ALDH1A1: variants seen among roughly 807,000 people sequenced by gnomAD.
The protein encoded by ALDH1A1 is aldehyde dehydrogenase 1 family member A1.
In ALDH1A1, 19 loss-of-function variants were observed where a neutral mutation model predicts 62.1. The observed-to-expected ratio is 0.31, with a 90% CI of 0.21 to 0.45. The LOEUF (loss-of-function observed/expected upper bound fraction) is 0.45, where lower values mean the gene tolerates loss of function less well. Ranked by LOEUF, ALDH1A1 falls within the 20% of genes least tolerant of loss-of-function variation. ALDH1A1 has a pLI of 1.00. For synonymous variants in ALDH1A1, 231 were observed against 215.9 expected, an observed-to-expected ratio of 1.07 and a Z score of -0.61; for missense variants, 521 against 607.1, an observed-to-expected ratio of 0.86 and a Z score of 1.49.
intron 2 of ALDH1A1, among the ~76,000 whole-genome samples, chr9:72,936,202 C>T (rs1326772359): frequency 1.3e-5 from 2 of 152,160 alleles, no homozygotes; most frequent in East Asian, 3.9e-4. Flanking sequence ...ATTTCTAAGT[C>T]TTCCAGTATG....
rs1393382260 is a variant in ALDH1A1 at position 72,901,271 on chromosome 9, G to A, written c.1443C>T (p.Tyr481=). The A allele has an allele frequency of 4.4e-6, 7 of 1,606,932 alleles. No individual in the cohort carries two copies. The highest frequency in any genetic ancestry group is 2.2e-5 in the East Asian group (1 of 44,726). The change falls in exon 13 of 13, where the codon TAC becomes TAT. Residue 481 remains tyrosine, a synonymous_variant. Coordinates refer to ENST00000297785, the MANE Select transcript of ALDH1A1 (RefSeq NM_000689.5). ...MSGNGRELGE[Y]GFHEYTEVKT... ...TGACCTCTGTATATTCATGGAAACC[G>A]TACTCTCCCCTAGAGAGAAGAAAAA...
intron 1 of ALDH1A1, among the ~76,000 whole-genome samples, chr9:72,941,817 C>T (rs536502178): frequency 6.6e-6 from 1 of 152,252 alleles, no homozygotes; most frequent in South Asian, 2.1e-4. Context: ...AGCATTATTT[C>T]CATACAAGAA....
At chr9:72,928,459 C>CAGATGA (rs1422337976) in intron 4 of ALDH1A1, among the ~76,000 whole-genome samples, 7 of 152,070 alleles carry the variant, frequency 4.6e-5, no homozygotes, top group African/African-American at 1.7e-4. Flanking sequence ...TGACCAGGCA[C>CAGATGA]AGATGACCAT....
chr9:72,908,607 GAAAGAAAGAAAGAAAGAA>G (rs1456993341), intron 11 of ALDH1A1, among the ~76,000 whole-genome samples: 6 of 138,166 alleles, frequency 4.3e-5, no homozygotes, highest in Non-Finnish European at 8.0e-5. Flanking sequence ...AAGAAAGAAA[GAAAGAAAGAAAGAAAGAA>G]AGAGAATATT....
chr9:72,919,499 A>G (rs1830109799), intron 7 of ALDH1A1, among the ~76,000 whole-genome samples: 2 of 152,204 alleles, frequency 1.3e-5, no homozygotes, highest in Non-Finnish European at 2.9e-5. Context: ...AAGAAATGAC[A>G]GGACCATTTC....
intron 9 of ALDH1A1, among the ~76,000 whole-genome samples, 173 bp from the exon 10 acceptor site, chr9:72,912,295 A>G (rs187405468): frequency 6.6e-6 from 1 of 152,296 alleles, no homozygotes; most frequent in Admixed American, 6.5e-5. Flanking sequence ...TTTTCTTCTC[A>G]TGACTTTTAG....
chr9:72,932,949 A>C (rs947990404), intron 2 of ALDH1A1, among the ~76,000 whole-genome samples: 1 of 152,192 alleles, frequency 6.6e-6, no homozygotes, highest in Non-Finnish European at 1.5e-5. Context: ...TGGCCTCCCA[A>C]AGGGATACGG....
In ALDH1A1 at chr9:72,901,145, A is replaced by G; in HGVS notation, c.*63T>C. 7.8e-7 allele frequency: 1 copy of G among 1,281,266 alleles called. No homozygotes were observed. Among genetic ancestry groups the G allele is most frequent in the Non-Finnish European group, 1.1e-6 (1 of 894,650 alleles). The allele number at this position is 1,281,266 out of a possible 1,614,324, so 79.4% of individuals were successfully genotyped here. On this transcript the variant is annotated 3_prime_UTR_variant, in exon 13 of 13. Coordinates refer to ENST00000297785, the MANE Select transcript of ALDH1A1 (RefSeq NM_000689.5). ...AAAAATTTTGTCTTTAAAATCTACT[A>G]TATTAGTGACTGTAAGGAGATGCTT...
At chr9:72,909,289 T>A (rs968500113) in intron 11 of ALDH1A1, among the ~76,000 whole-genome samples, 1 of 150,964 alleles carries the variant, frequency 6.6e-6, no homozygotes, top group African/African-American at 2.4e-5. Flanking sequence ...ATCCTCCATG[T>A]AGCTGGGATT....
intron 9 of ALDH1A1, among the ~76,000 whole-genome samples, chr9:72,912,765 C>T (rs1230213082): frequency 6.6e-6 from 1 of 152,160 alleles, no homozygotes; most frequent in East Asian, 1.9e-4. Context: ...TTAAATGAGC[C>T]ACATCTAACT....
intron 1 of ALDH1A1, among the ~76,000 whole-genome samples, chr9:72,940,866 T>C (rs954698722): frequency 2.0e-5 from 3 of 152,168 alleles, no homozygotes; most frequent in Non-Finnish European, 2.9e-5. Context: ...TAATGGTAAC[T>C]ATGAGAAATA....
chr9:72,927,713 CAG>C lies in ALDH1A1; in HGVS notation c.443-538_443-537del, dbSNP rs1422804133. 2.0e-5 allele frequency among the ~76,000 whole-genome samples: 3 copies of C among 152,110 alleles called. No homozygotes were observed. The East Asian group carries it at 5.8e-4, about 29-fold the overall frequency. On this transcript the variant is annotated intron_variant, in intron 4 of 12. Transcript: ENST00000297785. ...TTTTTAGAAATAGTAAAATTAAAAA[CAG>C]TAGAATTAAAAAGAAAATCTCCCTA...
intron 7 of ALDH1A1, among the ~76,000 whole-genome samples, chr9:72,923,563 G>A (rs1003636484): frequency 4.6e-5 from 7 of 152,100 alleles, no homozygotes; most frequent in African/African-American, 1.7e-4. Context: ...AGTTAGTCTA[G>A]GTACCACTGA....
At chr9:72,936,594 CTGATAAAA>C in intron 2 of ALDH1A1, among the ~76,000 whole-genome samples, 1 of 151,816 alleles carries the variant, frequency 6.6e-6, no homozygotes, top group South Asian at 2.1e-4. Context: ...CCTGAAGTCT[CTGATAAAA>C]GGCGTTCATT....
At position 72,940,203 on chromosome 9, in the gene ALDH1A1, G is replaced by A. The variant is rs1239030740; in HGVS notation, c.116C>T (p.Pro39Leu). 15 of 1,613,656 alleles carry A rather than the reference G, an allele frequency of 9.3e-6. No individual in the cohort carries two copies. Among genetic ancestry groups the A allele is most frequent in the Non-Finnish European group, 1.3e-5 (15 of 1,179,856 alleles). Reference sequence around the variant, plus strand: ...CTCCTCAGTTGCAGGATTAAAGACAGGAAATTTCTTGCCACTCACTGAATC... The same window carrying A: ...CTCCTCAGTTGCAGGATTAAAGACAAGAAATTTCTTGCCACTCACTGAATC... Reference protein sequence around the residue: ...WHDSVSGKKFPVFNPATEEEL... With the variant: ...WHDSVSGKKFLVFNPATEEEL... Residue 39 changes from proline (P) to leucine (L), a missense_variant, in exon 2 of 13, where the codon CCT becomes CTT. Coordinates refer to ENST00000297785, the MANE Select transcript of ALDH1A1 (RefSeq NM_000689.5).
At chr9:72,943,174 A>G (rs1403775342) in intron 1 of ALDH1A1, among the ~76,000 whole-genome samples, 2 of 152,090 alleles carry the variant, frequency 1.3e-5, no homozygotes, top group Non-Finnish European at 2.9e-5. Context: ...CCCTTCTACA[A>G]TGTAATTTCA....
At chr9:72,937,983 A>T (rs348455) in intron 2 of ALDH1A1, among the ~76,000 whole-genome samples, 1 of 152,054 alleles carries the variant, frequency 6.6e-6, no homozygotes, top group Admixed American at 6.6e-5. Flanking sequence ...TGTTTTCATC[A>T]TACTGAAATC....
intron 9 of ALDH1A1, among the ~76,000 whole-genome samples, chr9:72,914,718 T>C (rs994761219): frequency 2.6e-5 from 3 of 115,434 alleles, no homozygotes; most frequent in African/African-American, 1.0e-4. Flanking sequence ...TCCACAGATA[T>C]AATACAAATA....
At chr9:72,934,086 G>A (rs983785234) in intron 2 of ALDH1A1, among the ~76,000 whole-genome samples, 1 of 152,062 alleles carries the variant, frequency 6.6e-6, no homozygotes, top group Non-Finnish European at 1.5e-5. Flanking sequence ...ATGAGCCACC[G>A]TCTGCCTAAT....
Sources: allele counts gnomAD v4.1 joint callset (sites outside exome capture counted in the v4.1 genomes callset), GRCh38; gene constraint gnomAD v4.1.1; transcripts MANE v1.5; gene names NCBI Gene and HGNC (gene_info 2026-07-23, HGNC 2026-07-21).